PDZRN4: variants seen among roughly 807,000 people sequenced by gnomAD.
PDZRN4 encodes PDZ domain-containing RING finger protein 4.
Under a neutral mutation model 99.0 loss-of-function variants are expected in PDZRN4, and 70 were observed. The observed-to-expected ratio is 0.71, with a 90% CI of 0.58 to 0.86. PDZRN4 has a LOEUF of 0.86. Ranked by LOEUF, PDZRN4 falls within the 40% of genes least tolerant of loss-of-function variation. The pLI is 0.00. For missense variants in PDZRN4, 1,474 were observed against 1,331.2 expected (o/e 1.11, Z -1.67); for synonymous variants, 551 against 501.6 (o/e 1.10, Z -1.32).
intron 3 of PDZRN4, among the ~76,000 whole-genome samples, chr12:41,304,711 C>A (rs1181747035): frequency 6.6e-6 from 1 of 152,120 alleles, no homozygotes; most frequent in Non-Finnish European, 1.5e-5. Context: ...TAAGTAAACT[C>A]AATGACTAAT....
intron 6 of PDZRN4, among the ~76,000 whole-genome samples, chr12:41,553,560 G>C (rs1939095262): frequency 6.6e-6 from 1 of 151,888 alleles, no homozygotes; most frequent in Non-Finnish European, 1.5e-5. Flanking sequence ...CAGTCATGGT[G>C]GCATATGCCG....
intron 3 of PDZRN4, among the ~76,000 whole-genome samples, chr12:41,326,948 T>G (rs569074013): frequency 6.6e-6 from 1 of 152,312 alleles, no homozygotes; most frequent in African/African-American, 2.4e-5. Flanking sequence ...AATGACATAT[T>G]ATTTGCTCCC....
At chr12:41,516,791 A>G (rs544429569) in intron 5 of PDZRN4, among the ~76,000 whole-genome samples, 1 of 151,690 alleles carries the variant, frequency 6.6e-6, no homozygotes, top group East Asian at 1.9e-4. Context: ...TTTACTTTCG[A>G]AAGTATCCTA....
At chr12:41,508,710 G>A (rs968566815) in intron 4 of PDZRN4, among the ~76,000 whole-genome samples, 2 of 152,058 alleles carry the variant, frequency 1.3e-5, no homozygotes, top group Non-Finnish European at 2.9e-5. Flanking sequence ...TTACCATTTT[G>A]GCCTACACTA....
intron 3 of PDZRN4, among the ~76,000 whole-genome samples, chr12:41,263,573 G>A (rs1252786161): frequency 6.6e-6 from 1 of 152,146 alleles, no homozygotes. Flanking sequence ...TGTAATCCCA[G>A]CTACTCAGGA....
At chr12:41,339,115 G>T (rs1363542781) in intron 3 of PDZRN4, among the ~76,000 whole-genome samples, 2 of 135,440 alleles carry the variant, frequency 1.5e-5, no homozygotes, top group African/African-American at 2.7e-5. Context: ...AGCAGCCAAA[G>T]TCATTCCGAG....
At chr12:41,498,863 A>G (rs1476759748) in intron 3 of PDZRN4, among the ~76,000 whole-genome samples, 1 of 152,156 alleles carries the variant, frequency 6.6e-6, no homozygotes, top group Non-Finnish European at 1.5e-5. Context: ...TTTTAGATGC[A>G]ACTACTTTTG....
chr12:41,413,570 T>C (rs1235548018), intron 3 of PDZRN4, among the ~76,000 whole-genome samples: 1 of 152,208 alleles, frequency 6.6e-6, no homozygotes, highest in East Asian at 1.9e-4. Flanking sequence ...ACGGACGTGC[T>C]AATTATCCTG....
chr12:41,524,451 G>A (rs1184044614), intron 5 of PDZRN4, among the ~76,000 whole-genome samples: 1 of 152,184 alleles, frequency 6.6e-6, no homozygotes, highest in Non-Finnish European at 1.5e-5. Context: ...GTGGGTTAAT[G>A]GAGGAGCTGG....
At chr12:41,217,267 C>T (rs1950927461) in intron 3 of PDZRN4, among the ~76,000 whole-genome samples, 1 of 152,040 alleles carries the variant, frequency 6.6e-6, no homozygotes, top group Non-Finnish European at 1.5e-5. Context: ...TAAGGCAGGG[C>T]TGGCTTCATG....
intron 3 of PDZRN4, among the ~76,000 whole-genome samples, chr12:41,350,276 A>G (rs1951881033): frequency 6.6e-6 from 1 of 152,076 alleles, no homozygotes; most frequent in Non-Finnish European, 1.5e-5. Flanking sequence ...ATTAGTTCCT[A>G]GTACTTTGGG....
chr12:41,553,108 C>A (rs1263230069), intron 6 of PDZRN4, among the ~76,000 whole-genome samples: 1 of 152,200 alleles, frequency 6.6e-6, no homozygotes, highest in East Asian at 1.9e-4. Context: ...TTTATGAGTT[C>A]TATTAACAGT....
At chr12:41,468,822 A>C (rs1403374360) in intron 3 of PDZRN4, among the ~76,000 whole-genome samples, 1 of 151,672 alleles carries the variant, frequency 6.6e-6, no homozygotes, top group Non-Finnish European at 1.5e-5. Context: ...AGCCTTTTTT[A>C]CTCTTTTGTT....
chr12:41,554,253 T>G (rs1340401929), intron 6 of PDZRN4, among the ~76,000 whole-genome samples: 6 of 152,166 alleles, frequency 3.9e-5, no homozygotes, highest in Non-Finnish European at 8.8e-5. Flanking sequence ...AAGATGAGGC[T>G]TTAGATTGTG....
intron 3 of PDZRN4, among the ~76,000 whole-genome samples, chr12:41,335,162 C>T (rs1270317432): frequency 1.4e-5 from 2 of 147,230 alleles, no homozygotes; most frequent in Non-Finnish European, 1.5e-5. Context: ...ATTTACACAT[C>T]TAAAGCAGCT....
chr12:41,258,077 C>T (rs912394583), intron 3 of PDZRN4, among the ~76,000 whole-genome samples: 3 of 152,142 alleles, frequency 2.0e-5, no homozygotes, highest in Non-Finnish European at 1.5e-5. Flanking sequence ...TGGATTTAGA[C>T]ACAATGAGCT....
intron 3 of PDZRN4, among the ~76,000 whole-genome samples, chr12:41,279,122 T>C (rs1951367942): frequency 6.6e-6 from 1 of 152,228 alleles, no homozygotes; most frequent in Non-Finnish European, 1.5e-5. Context: ...GGTTCGGGTA[T>C]ACAGTGTTTT....
intron 3 of PDZRN4, among the ~76,000 whole-genome samples, chr12:41,284,176 T>C (rs1027286756): frequency 2.6e-5 from 4 of 152,152 alleles, no homozygotes; most frequent in African/African-American, 4.8e-5. Flanking sequence ...GCATACAAAA[T>C]AAATGTGCAA....
At chr12:41,563,845 T>C (rs965017583) in intron 8 of PDZRN4, among the ~76,000 whole-genome samples, 196 bp downstream of exon 8, 23 of 152,128 alleles carry the variant, frequency 1.5e-4, no homozygotes, top group African/African-American at 5.1e-4. Flanking sequence ...GCAATTAAGG[T>C]ATACAAAATA....
Sources: gnomAD v4.1 joint callset for allele counts (sites outside exome capture counted in the v4.1 genomes callset) on GRCh38, gnomAD v4.1.1 for gene constraint, MANE v1.5 for transcripts, NCBI Gene and HGNC (gene_info 2026-07-23, HGNC 2026-07-21) for gene names.